CRACDL: variants seen among roughly 807,000 people sequenced by gnomAD.
CRACDL encodes the protein CRACD-like protein.
A neutral mutation model predicts 70.6 loss-of-function variants in CRACDL; 26 were observed. That is an observed-to-expected ratio of 0.37 (90% CI 0.27 to 0.51). The LOEUF is 0.51. Ranked by LOEUF, CRACDL falls within the 20% of genes least tolerant of loss-of-function variation. CRACDL has a pLI of 0.94. For missense variants in CRACDL, 1,283 were observed against 1,376.9 expected, an observed-to-expected ratio of 0.93 and a Z score of 1.08; for synonymous variants, 618 against 615.2, an observed-to-expected ratio of 1.00 and a Z score of -0.07.
chr2:98,826,841 T>C (rs893382569), intron 6 of CRACDL, 134 bp downstream of exon 6: 1 of 599,350 alleles, frequency 1.7e-6, no homozygotes, highest in Non-Finnish European at 3.0e-6. Context: ...TCCTGCAGCA[T>C]GGCTCCATCA....
At chr2:98,933,549 A>T (rs1480209587) in intron 1 of CRACDL, among the ~76,000 whole-genome samples, 1 of 152,196 alleles carries the variant, frequency 6.6e-6, no homozygotes, top group Non-Finnish European at 1.5e-5. Flanking sequence ...AAAATTTTGC[A>T]CCTTTCCACA....
intron 1 of CRACDL, among the ~76,000 whole-genome samples, chr2:98,867,350 T>C (rs541119667): frequency 3.0e-4 from 45 of 152,330 alleles, no homozygotes; most frequent in African/African-American, 1.0e-3. Flanking sequence ...ATACTCTATA[T>C]ATGCACACAT....
chr2:98,854,529 A>G (rs902634381), intron 1 of CRACDL, among the ~76,000 whole-genome samples: 8 of 152,066 alleles, frequency 5.3e-5, no homozygotes, highest in African/African-American at 1.7e-4. Context: ...TAGAAAAATG[A>G]ATAGGTAAGT....
At chr2:98,926,738 C>T (rs562442905) in intron 1 of CRACDL, among the ~76,000 whole-genome samples, 60 of 152,260 alleles carry the variant, frequency 3.9e-4, no homozygotes, top group African/African-American at 1.4e-3. Flanking sequence ...GTTCATAAAC[C>T]GAATGCGAAT....
intron 1 of CRACDL, among the ~76,000 whole-genome samples, chr2:98,851,444 C>G (rs17022014): frequency 0.026 from 3,948 of 152,268 alleles, 168 homozygotes; most frequent in African/African-American, 0.091. Context: ...CTTGGTTCAC[C>G]TTTCCCTTAT....
intron 1 of CRACDL, chr2:98,897,535 G>A (rs1033196519): frequency 2.5e-6 from 1 of 397,276 alleles, no homozygotes; most frequent in Non-Finnish European, 4.4e-6. Flanking sequence ...ACTTTTTCTG[G>A]TCACTTTAGA....
Position 98,794,531 on chromosome 2 carries a change from C to A in CRACDL, c.*1G>T. ...ACATGCTTTATCAGCACACTGCCCACCTATTTTATAATCTGGGGCATGTCA... is the reference window on the plus strand; with the variant it reads ...ACATGCTTTATCAGCACACTGCCCAACTATTTTATAATCTGGGGCATGTCA... On this transcript the variant is annotated 3_prime_UTR_variant, in exon 10 of 10. Transcript: ENST00000397899. 1 of 1,613,748 alleles carries A rather than the reference C, an allele frequency of 6.2e-7. No individual in the cohort carries two copies. Among genetic ancestry groups the A allele is most frequent in the Non-Finnish European group, 8.5e-7 (1 of 1,179,744 alleles).
At chr2:98,812,722 T>C (rs1704625423) in intron 7 of CRACDL, among the ~76,000 whole-genome samples, 2 of 151,980 alleles carry the variant, frequency 1.3e-5, no homozygotes, top group South Asian at 2.1e-4. Context: ...TTTTTTTTTT[T>C]ACTATTGACT....
At chr2:98,835,038 G>A (rs773137711) in intron 3 of CRACDL, among the ~76,000 whole-genome samples, 7 of 152,060 alleles carry the variant, frequency 4.6e-5, no homozygotes, top group Non-Finnish European at 8.8e-5. Context: ...TTCCATATAG[G>A]GAAGGGATAA....
intron 5 of CRACDL, among the ~76,000 whole-genome samples, chr2:98,830,507 C>A (rs769815182): frequency 6.6e-6 from 1 of 152,082 alleles, no homozygotes; most frequent in Non-Finnish European, 1.5e-5. Flanking sequence ...CTTAATCAAC[C>A]AATTATGCAT....
chr2:98,901,913 G>A (rs536161764), intron 1 of CRACDL, among the ~76,000 whole-genome samples: 9 of 152,212 alleles, frequency 5.9e-5, no homozygotes, highest in East Asian at 5.8e-4. Flanking sequence ...CTCGCGAGCC[G>A]GGCGAAGCAG....
At chr2:98,871,736 A>G (rs67983743) in intron 1 of CRACDL, among the ~76,000 whole-genome samples, 11,816 of 152,308 alleles carry the variant, frequency 0.078, 634 homozygotes, top group Admixed American at 0.17. Flanking sequence ...AGTAGGAGAC[A>G]TAGGCAGACC....
chr2:98,847,766 A>C (rs1706321298), intron 1 of CRACDL, among the ~76,000 whole-genome samples: 1 of 152,240 alleles, frequency 6.6e-6, no homozygotes, highest in Admixed American at 6.5e-5. Context: ...AGGTATGACG[A>C]ATCCTCACAC....
At chr2:98,802,214 C>T (rs1227015007) in intron 7 of CRACDL, among the ~76,000 whole-genome samples, 1 of 152,280 alleles carries the variant, frequency 6.6e-6, no homozygotes, top group Non-Finnish European at 1.5e-5. Flanking sequence ...GGCTGCCCTG[C>T]TGGCGCTGCA....
In CRACDL at chr2:98,810,400, C is replaced by A. The variant is rs575013478; in HGVS notation, c.2416+11457G>T. On this transcript the variant is annotated intron_variant, in intron 7 of 9. Transcript: ENST00000397899. The stretch of plus-strand genomic sequence containing the variant: ...TTCTAAATATAATGGGAAGGCAATG[C>A]GAATTTTTAAAGAGGAAAGCTCCAT... Among the ~76,000 whole-genome samples the A allele has an allele frequency of 4.6e-5, 7 of 152,164 alleles. 1 individual carries two copies. In the South Asian group the frequency reaches 1.0e-3, roughly 23 times the overall value.
At chr2:98,882,808 T>C (rs927961771) in intron 1 of CRACDL, among the ~76,000 whole-genome samples, 1 of 152,214 alleles carries the variant, frequency 6.6e-6, no homozygotes, top group Non-Finnish European at 1.5e-5. Flanking sequence ...ACAAAGGGGC[T>C]TGGGATACTT....
intron 1 of CRACDL, among the ~76,000 whole-genome samples, chr2:98,903,108 G>C (rs1159552229): frequency 3.3e-5 from 5 of 152,114 alleles, no homozygotes; most frequent in African/African-American, 7.2e-5. Flanking sequence ...GATGGGATCA[G>C]CCTCTGCTCC....
Position 98,797,332 on chromosome 2 carries a change from A to G in CRACDL, c.2604+18T>C, listed in dbSNP as rs771056097. On this transcript the variant is annotated intron_variant, in intron 8 of 9. Coordinates refer to ENST00000397899, the MANE Select transcript of CRACDL (RefSeq NM_207362.3). Reference sequence around the variant, plus strand: ...CTCCCTCCTGCACCCACAGAACAGAAGTATTTGCTCTAAGCACCTGGCCTC... The same window carrying G: ...CTCCCTCCTGCACCCACAGAACAGAGGTATTTGCTCTAAGCACCTGGCCTC... The G allele has an allele frequency of 1.7e-5, 28 of 1,612,764 alleles. No homozygotes were observed. The Admixed American group carries it at 4.7e-4, about 27-fold the overall frequency.
chr2:98,930,939 T>C (rs551343173), intron 1 of CRACDL, among the ~76,000 whole-genome samples: 53 of 151,556 alleles, frequency 3.5e-4, no homozygotes, highest in South Asian at 2.7e-3. Context: ...GTAATGCTCA[T>C]GTATGTGTGT....
Sources: allele counts gnomAD v4.1 joint callset (sites outside exome capture counted in the v4.1 genomes callset), GRCh38; gene constraint gnomAD v4.1.1; transcripts MANE v1.5; gene names NCBI Gene and HGNC (gene_info 2026-07-23, HGNC 2026-07-21).